SENP2: variants seen among roughly 807,000 people sequenced by gnomAD.
SENP2 encodes SUMO specific peptidase 2.
A neutral mutation model predicts 86.3 loss-of-function variants in SENP2; 16 were observed. The ratio of observed to expected loss-of-function variants is 0.19; its 90% CI spans 0.13 to 0.28. SENP2 has a LOEUF of 0.28. SENP2 is among the 10% of genes least tolerant of loss of function. The pLI is 1.00. For missense variants in SENP2, 552 were observed against 703.0 expected (o/e 0.79, Z 2.43); for synonymous variants, 222 against 238.7 (o/e 0.93, Z 0.64).
At chr3:185,594,987 G>A (rs1002285705) in intron 2 of SENP2, among the ~76,000 whole-genome samples, 4 of 152,114 alleles carry the variant, frequency 2.6e-5, no homozygotes, top group African/African-American at 2.4e-5. Context: ...GCCTCCCAAA[G>A]TGCTGGGATT....
intron 13 of SENP2, among the ~76,000 whole-genome samples, chr3:185,620,788 G>A (rs1711831559): frequency 6.6e-6 from 1 of 151,754 alleles, no homozygotes. Flanking sequence ...TATGCATAAG[G>A]GTTATTTATA....
chr3:185,589,318 A>G (rs1005542973), intron 1 of SENP2, among the ~76,000 whole-genome samples: 5 of 152,218 alleles, frequency 3.3e-5, no homozygotes, highest in African/African-American at 1.2e-4. Context: ...CACACACACA[A>G]AAGAAAAAAC....
rs1490185864 is a variant in SENP2 at position 185,586,839 on chromosome 3, A to G, written c.101+325A>G. ...GTCTTTGTTGTGGCTCACTGTTTAC[A>G]AAGCACCCTCGCAAGTGTCATCTGC... On this transcript the variant is annotated intron_variant, in intron 1 of 16. Transcript: ENST00000296257. The surrounding 1 kb of genome is among the most constrained non-coding windows in gnomAD (Gnocchi z 4.3). Among the ~76,000 whole-genome samples the G allele has an allele frequency of 1.3e-5, 2 of 152,218 alleles. No homozygotes were observed. Among genetic ancestry groups the G allele is most frequent in the Non-Finnish European group, 2.9e-5 (2 of 68,036 alleles).
intron 16 of SENP2, 36 bp downstream of exon 16, chr3:185,626,429 C>T (rs1438817029): frequency 1.4e-6 from 2 of 1,447,514 alleles, no homozygotes; most frequent in Non-Finnish European, 1.9e-6. Flanking sequence ...TTACTTGTTA[C>T]TAAGCAAGAT....
intron 12 of SENP2, 136 bp from the exon 13 acceptor site, chr3:185,619,163 C>T: frequency 1.5e-6 from 1 of 653,680 alleles, no homozygotes; most frequent in Non-Finnish European, 2.7e-6. Context: ...ACTTTTTTCC[C>T]TGTCTTCTAC....
In SENP2 at chr3:185,629,990, G is replaced by A; in HGVS notation, c.*146G>A. The A allele has an allele frequency of 1.4e-6, 1 of 737,500 alleles. No homozygotes were observed. The highest frequency in any genetic ancestry group is 2.3e-6 in the Non-Finnish European group (1 of 432,518). 45.7% of individuals were successfully genotyped at this position (737,500 alleles called of 1,614,324 possible). A position where few individuals can be genotyped will look rare whatever the true frequency, so the allele number is the denominator to read the frequency against. ...CAAAAGTGCATGAAGGCCTCTCACTGTACTCTAGTCCTGACTTGGGGTGCA... is the reference window on the plus strand; with the variant it reads ...CAAAAGTGCATGAAGGCCTCTCACTATACTCTAGTCCTGACTTGGGGTGCA... On this transcript the variant is annotated 3_prime_UTR_variant, in exon 17 of 17. Coordinates refer to ENST00000296257, the MANE Select transcript of SENP2 (RefSeq NM_021627.3).
intron 10 of SENP2, among the ~76,000 whole-genome samples, chr3:185,614,111 A>C (rs1711511297): frequency 6.6e-6 from 1 of 152,184 alleles, no homozygotes; most frequent in East Asian, 1.9e-4. Context: ...TAAGTGGTAC[A>C]TTAATGTTTT....
Position 185,613,394 on chromosome 3 carries a change from T to A in SENP2, c.919T>A (p.Phe307Ile). 1 of 1,592,634 alleles carries A rather than the reference T, an allele frequency of 6.3e-7. No homozygotes were observed. Among genetic ancestry groups the A allele is most frequent in the Non-Finnish European group, 8.6e-7 (1 of 1,162,544 alleles). Reference protein sequence around the residue: ...TDTETMVGIRFENESRRGYQL... With the variant: ...TDTETMVGIRIENESRRGYQL... ...TACAGAGACGATGGTCGGAATCAGA[T>A]TTGAAAATGAAAGTGTAAGTAAAAA... Residue 307 changes from phenylalanine (F) to isoleucine (I), a missense_variant, in exon 10 of 17, where the codon TTT (phenylalanine) becomes ATT (isoleucine). Phe to Ile is a conservative substitution (Grantham distance 21). Transcript: ENST00000296257.
intron 2 of SENP2, among the ~76,000 whole-genome samples, chr3:185,592,146 G>A (rs557751210): frequency 7.4e-5 from 11 of 149,514 alleles, no homozygotes; most frequent in African/African-American, 2.5e-4. Context: ...TGGCACGATC[G>A]TAGCTCACTG....
At chr3:185,611,839 T>C (rs1722711644) in intron 8 of SENP2, 94 bp downstream of exon 8, 8 of 902,302 alleles carry the variant, frequency 8.9e-6, no homozygotes, top group South Asian at 6.2e-5. Flanking sequence ...CAAGTGTAGA[T>C]GGTGTACCAA....
chr3:185,587,548 C>A (rs1378690765), intron 1 of SENP2, among the ~76,000 whole-genome samples: 1 of 146,514 alleles, frequency 6.8e-6, no homozygotes, highest in African/African-American at 2.5e-5. Context: ...GCCCCCTCTT[C>A]AACTTTAGTG....
chr3:185,596,436 A>G (rs372673843), intron 2 of SENP2, among the ~76,000 whole-genome samples: 2 of 152,016 alleles, frequency 1.3e-5, no homozygotes, highest in South Asian at 2.1e-4. Flanking sequence ...CCTGGGCAAC[A>G]TAGTGAGACC....
intron 11 of SENP2, among the ~76,000 whole-genome samples, chr3:185,617,037 A>G (rs1711640591): frequency 6.6e-6 from 1 of 152,198 alleles, no homozygotes; most frequent in African/African-American, 2.4e-5. Flanking sequence ...AATACGTAGT[A>G]GTAGGAAAAT....
intron 14 of SENP2, among the ~76,000 whole-genome samples, 161 bp from the exon 15 acceptor site, chr3:185,623,826 CAAAAAAAAAAA>C (rs63707460): frequency 1.9e-4 from 9 of 47,774 alleles, no homozygotes; most frequent in Non-Finnish European, 2.3e-4. Flanking sequence ...GACTCTGTCT[CAAAAAAAAAAA>C]AAAAAAAAAA....
chr3:185,599,809 C>CTTT (rs63047860), intron 4 of SENP2, among the ~76,000 whole-genome samples: 3 of 132,008 alleles, frequency 2.3e-5, no homozygotes, highest in East Asian at 2.1e-4. Flanking sequence ...TTCTTTCTTT[C>CTTT]TTTTTTTTTT....
rs1711552297 is a variant in SENP2 at position 185,615,186 on chromosome 3, A to G, written c.1110+446A>G. Among the ~76,000 whole-genome samples the G allele has an allele frequency of 2.0e-5, 3 of 152,256 alleles. No homozygotes were observed. In the South Asian group the frequency reaches 6.2e-4, roughly 32 times the overall value. The stretch of plus-strand genomic sequence containing the variant: ...AAGAATGAAGGTAGTTAAAATTCTT[A>G]TTTTAAAGATGTGCCCACATCTTGG... On this transcript the variant is annotated intron_variant, in intron 11 of 16. Transcript: ENST00000296257.
intron 8 of SENP2, chr3:185,612,292 T>C (rs1722725732): frequency 4.4e-6 from 1 of 227,944 alleles, no homozygotes; most frequent in East Asian, 9.2e-5. Context: ...GCAACTATTT[T>C]GTGAGCTGAA....
chr3:185,617,128 GTATTACTTACAACAA>G (rs906440405), intron 11 of SENP2, among the ~76,000 whole-genome samples: 10 of 152,008 alleles, frequency 6.6e-5, no homozygotes, highest in African/African-American at 2.4e-4. Flanking sequence ...TTTGTTGTAA[GTATTACTTACAACAA>G]TTAAGTAAGG....
chr3:185,601,528 GTTA>G (rs905292545), intron 5 of SENP2, among the ~76,000 whole-genome samples: 3 of 151,682 alleles, frequency 2.0e-5, no homozygotes, highest in Non-Finnish European at 2.9e-5. Context: ...GTTGTAAAAT[GTTA>G]TTATTAATAG....
Sources: gnomAD v4.1 joint callset for allele counts (sites outside exome capture counted in the v4.1 genomes callset) on GRCh38, gnomAD v4.1.1 for gene constraint, Gnocchi (gnomAD v3.1) non-coding constraint, MANE v1.5 for transcripts, NCBI Gene and HGNC (gene_info 2026-07-23, HGNC 2026-07-21) for gene names.